The following SNTG1 variants were observed in gnomAD, a reference collection of about 807,000 sequenced individuals.
SNTG1 encodes the protein gamma-1-syntrophin.
Under a neutral mutation model 74.7 loss-of-function variants are expected in SNTG1, and 39 were observed. That is an observed-to-expected ratio of 0.52 (90% CI 0.40 to 0.68). SNTG1 has a LOEUF of 0.68. Among genes scored for constraint, SNTG1 ranks in the 30% least tolerant of loss-of-function variants. SNTG1 has a pLI of 0.00. For synonymous variants in SNTG1, 254 were observed against 217.1 expected (o/e 1.17, Z -1.49); for missense variants, 685 against 609.5 (o/e 1.12, Z -1.30).
rs111925913 is a variant in SNTG1 at position 50,414,412 on chromosome 8, G to A, written c.162+12068G>A. Among the ~76,000 whole-genome samples the A allele has an allele frequency of 1.2e-4, 18 of 152,204 alleles. 1 individual carries two copies. Among genetic ancestry groups the A allele is most frequent in the African/African-American group, 4.1e-4 (17 of 41,528 alleles). On this transcript the variant is annotated intron_variant, in intron 4 of 18. Coordinates refer to ENST00000642720, the MANE Select transcript of SNTG1 (RefSeq NM_018967.5). ...GTTTCTTTACTATAATCCTTTGGGT[G>A]ATAGGAATGGTTTTTCATACTGACA...
intron 1 of SNTG1, among the ~76,000 whole-genome samples, chr8:49,952,149 C>G (rs960160380): frequency 6.6e-6 from 1 of 152,092 alleles, no homozygotes; most frequent in Non-Finnish European, 1.5e-5. Context: ...ACTGCTTTTA[C>G]TGTTTGTCTT....
At chr8:50,555,976 C>T (rs1032899755) in intron 12 of SNTG1, among the ~76,000 whole-genome samples, 17 of 152,070 alleles carry the variant, frequency 1.1e-4, no homozygotes, top group African/African-American at 3.6e-4. Flanking sequence ...TTTCTCTTTG[C>T]TCACTAGTTT....
At chr8:50,721,517 T>C (rs1268604680) in intron 17 of SNTG1, among the ~76,000 whole-genome samples, 1 of 152,192 alleles carries the variant, frequency 6.6e-6, no homozygotes, top group Non-Finnish European at 1.5e-5. Flanking sequence ...TTTCCTGGGT[T>C]TAGTGTCTTA....
In SNTG1 at chr8:50,018,004, G is replaced by T. The variant is rs544598879; in HGVS notation, c.-103+105773G>T. ...GGAACAATAAAAAATACAAAAATTT[G>T]AAAGAAATTAAATGATTTCTAAATA... On this transcript the variant is annotated intron_variant, in intron 1 of 18. Coordinates refer to ENST00000642720, the MANE Select transcript of SNTG1 (RefSeq NM_018967.5). Among the ~76,000 whole-genome samples the T allele has an allele frequency of 1.2e-4, 18 of 151,938 alleles. No individual in the cohort carries two copies. In the South Asian group the frequency reaches 3.3e-3, roughly 28 times the overall value.
chr8:50,614,829 C>T (rs1371108595), intron 13 of SNTG1, among the ~76,000 whole-genome samples: 1 of 151,896 alleles, frequency 6.6e-6, no homozygotes, highest in African/African-American at 2.4e-5. Context: ...ATTATACATA[C>T]CAATGCATAT....
At chr8:50,512,101 T>G (rs913418814) in intron 9 of SNTG1, among the ~76,000 whole-genome samples, 16 of 152,080 alleles carry the variant, frequency 1.1e-4, no homozygotes, top group African/African-American at 3.4e-4. Flanking sequence ...GCTCTTTTAG[T>G]GCAGGCCTGG....
chr8:50,745,306 C>T (rs1585694092), intron 17 of SNTG1, among the ~76,000 whole-genome samples: 1 of 151,938 alleles, frequency 6.6e-6, no homozygotes, highest in Non-Finnish European at 1.5e-5. Context: ...ACCAACATCA[C>T]TAGCCATTAG....
At chr8:50,418,730 C>G (rs1042355155) in intron 4 of SNTG1, among the ~76,000 whole-genome samples, 1 of 152,068 alleles carries the variant, frequency 6.6e-6, no homozygotes, top group African/African-American at 2.4e-5. Context: ...GCAAACTAAA[C>G]TCTTGATTAT....
intron 2 of SNTG1, among the ~76,000 whole-genome samples, chr8:50,218,207 T>G (rs2084889189): frequency 6.6e-6 from 1 of 152,222 alleles, no homozygotes; most frequent in Non-Finnish European, 1.5e-5. Flanking sequence ...ACTTACCAAC[T>G]ATCTCTGAGG....
At chr8:50,097,169 G>A (rs930292569) in intron 1 of SNTG1, among the ~76,000 whole-genome samples, 1 of 151,790 alleles carries the variant, frequency 6.6e-6, no homozygotes, top group South Asian at 2.1e-4. Flanking sequence ...ACGCAGTTTC[G>A]TCGTGTTGGC....
chr8:50,680,529 C>A (rs1050032766), intron 15 of SNTG1, among the ~76,000 whole-genome samples: 2 of 152,046 alleles, frequency 1.3e-5, no homozygotes, highest in Non-Finnish European at 2.9e-5. Flanking sequence ...TTTTCAGATT[C>A]TTTTTCTGCT....
intron 1 of SNTG1, among the ~76,000 whole-genome samples, chr8:50,128,772 A>AT (rs1484674100): frequency 6.6e-6 from 1 of 152,156 alleles, no homozygotes; most frequent in Non-Finnish European, 1.5e-5. Context: ...GTTAGTTCTA[A>AT]TTATAATTAC....
intron 2 of SNTG1, among the ~76,000 whole-genome samples, chr8:50,326,907 T>C (rs2090772060): frequency 6.6e-6 from 1 of 152,128 alleles, no homozygotes; most frequent in African/African-American, 2.4e-5. Flanking sequence ...ATTTACTTTG[T>C]TTGAAATATT....
At chr8:50,612,081 A>AAAC (rs1405917612) in intron 13 of SNTG1, among the ~76,000 whole-genome samples, 1 of 152,200 alleles carries the variant, frequency 6.6e-6, no homozygotes, top group African/African-American at 2.4e-5. Context: ...TAAAACAAAC[A>AAAC]AACAAAAAAA....
chr8:50,109,661 A>G (rs2080506845), intron 1 of SNTG1, among the ~76,000 whole-genome samples: 1 of 152,210 alleles, frequency 6.6e-6, no homozygotes, highest in African/African-American at 2.4e-5. Flanking sequence ...AGGTGTTATC[A>G]GGAAGGGGGA....
chr8:50,299,538 A>T (rs2130649742), intron 2 of SNTG1, among the ~76,000 whole-genome samples: 1 of 152,278 alleles, frequency 6.6e-6, no homozygotes, highest in South Asian at 2.1e-4. Flanking sequence ...AAATTGAAAT[A>T]TTTGAGTCAC....
At chr8:50,700,103 G>C (rs1585576970) in intron 15 of SNTG1, among the ~76,000 whole-genome samples, 2 of 152,260 alleles carry the variant, frequency 1.3e-5, no homozygotes, top group South Asian at 4.1e-4. Flanking sequence ...ATGTGTGTTA[G>C]AGAGAGAATG....
At chr8:50,583,416 A>G (rs2094624816) in intron 12 of SNTG1, among the ~76,000 whole-genome samples, 1 of 146,954 alleles carries the variant, frequency 6.8e-6, no homozygotes, top group Non-Finnish European at 1.5e-5. Flanking sequence ...AAAAAAAAAG[A>G]AAGAAAATAC....
intron 2 of SNTG1, among the ~76,000 whole-genome samples, chr8:50,327,661 T>A (rs2090803850): frequency 1.3e-5 from 2 of 152,188 alleles, no homozygotes; most frequent in Admixed American, 1.3e-4. Context: ...TTATACTGGT[T>A]ATTGATACCA....
Sources: gnomAD v4.1 joint callset for allele counts (sites outside exome capture counted in the v4.1 genomes callset) on GRCh38, gnomAD v4.1.1 for gene constraint, MANE v1.5 for transcripts, NCBI Gene and HGNC (gene_info 2026-07-23, HGNC 2026-07-21) for gene names.